The following GABRA3 variants were observed in gnomAD, a reference collection of about 807,000 sequenced individuals.
GABRA3 encodes the protein gamma-aminobutyric acid type A receptor subunit alpha3.
GABRA3 carries 10 observed loss-of-function variants against 30.1 expected under a neutral mutation model. The ratio of observed to expected loss-of-function variants is 0.33; its 90% CI spans 0.20 to 0.56. The LOEUF (loss-of-function observed/expected upper bound fraction) is 0.56. Ranked by LOEUF, GABRA3 falls within the 20% of genes least tolerant of loss-of-function variation. The pLI is 0.89. For synonymous variants in GABRA3, 151 were observed against 146.8 expected (o/e 1.03, Z -0.21); for missense variants, 233 against 392.0 (o/e 0.59, Z 3.42).
chrX:152,275,816 A>C (rs978509726), intron 4 of GABRA3, among the ~76,000 whole-genome samples: 1 of 109,371 alleles, frequency 9.1e-6, no homozygotes, highest in Non-Finnish European at 1.9e-5. Context: ...TTATATATAT[A>C]TTTATAGGAT....
At chrX:152,331,634 A>G (rs1311123381) in intron 3 of GABRA3, among the ~76,000 whole-genome samples, 9 of 112,059 alleles carry the variant, frequency 8.0e-5, no homozygotes, top group African/African-American at 2.9e-4. Flanking sequence ...GTATAGCAGT[A>G]AAACAATAAA....
intron 1 of GABRA3, among the ~76,000 whole-genome samples, chrX:152,436,167 T>C (rs1257261332): frequency 8.9e-6 from 1 of 111,955 alleles, no homozygotes; most frequent in Non-Finnish European, 1.9e-5. Context: ...AGGGAAAAGC[T>C]GGCTGATCAA....
In GABRA3 at chrX:152,327,689, C is replaced by A. The variant is rs138208641; in HGVS notation, c.262+17892G>T. Among the ~76,000 whole-genome samples the A allele has an allele frequency of 7.1e-3, 790 of 111,694 alleles. 21 individuals are homozygous for A. The East Asian group carries it at 0.094, about 13-fold the overall frequency. ...ACACAACATACCAGAATCTCTGGGA[C>A]ACATTTAAAGCAGTGTGTAGAGGGA... On this transcript the variant is annotated intron_variant, in intron 3 of 9. Transcript: ENST00000370314.
intron 3 of GABRA3, among the ~76,000 whole-genome samples, chrX:152,296,116 G>A (rs1050180528): frequency 8.9e-6 from 1 of 112,284 alleles, no homozygotes; most frequent in Non-Finnish European, 1.9e-5. Flanking sequence ...AGAGAACAAA[G>A]TCATGAGTTT....
At chrX:152,223,489 C>T (rs923673389) in intron 6 of GABRA3, among the ~76,000 whole-genome samples, 11 of 110,511 alleles carry the variant, frequency 1.0e-4, no homozygotes, top group African/African-American at 3.0e-4. Context: ...CCTTTAATGG[C>T]CTATAAGACT....
chrX:152,366,166 A>G (rs1928654852), intron 1 of GABRA3, among the ~76,000 whole-genome samples: 1 of 111,959 alleles, frequency 8.9e-6, no homozygotes, highest in African/African-American at 3.2e-5. Flanking sequence ...GGCAGTAACC[A>G]TGATATACGC....
intron 1 of GABRA3, among the ~76,000 whole-genome samples, chrX:152,392,713 TG>T (rs1929524332): frequency 8.9e-6 from 1 of 112,295 alleles, no homozygotes; most frequent in Non-Finnish European, 1.9e-5. Flanking sequence ...CAAAAGTTGA[TG>T]AAAGCCATTA....
At chrX:152,191,206 ATAC>A (rs1937321351) in intron 8 of GABRA3, among the ~76,000 whole-genome samples, 1 of 110,847 alleles carries the variant, frequency 9.0e-6, no homozygotes, top group Non-Finnish European at 1.9e-5. Flanking sequence ...TAGTGTTGTC[ATAC>A]TATATAATTA....
At chrX:152,377,690 A>G (rs1462668052) in intron 1 of GABRA3, among the ~76,000 whole-genome samples, 1 of 111,847 alleles carries the variant, frequency 8.9e-6, no homozygotes, top group Non-Finnish European at 1.9e-5. Context: ...AAAGTAAGAG[A>G]AAATAAATAC....
At chrX:152,449,967 A>G in intron 1 of GABRA3, among the ~76,000 whole-genome samples, 1 of 111,694 alleles carries the variant, frequency 9.0e-6, no homozygotes, top group Non-Finnish European at 1.9e-5. Context: ...AATCCAAAAT[A>G]TACTACATAC....
At chrX:152,332,880 T>G (rs1320491321) in intron 3 of GABRA3, among the ~76,000 whole-genome samples, 1 of 112,501 alleles carries the variant, frequency 8.9e-6, no homozygotes, top group Non-Finnish European at 1.9e-5. Flanking sequence ...AAATTCTCTT[T>G]GGAGGCTTGG....
At chrX:152,203,634 C>T (rs1464957143) in intron 7 of GABRA3, among the ~76,000 whole-genome samples, 1 of 111,782 alleles carries the variant, frequency 8.9e-6, no homozygotes, top group East Asian at 2.8e-4. Context: ...GCTGCCTTCA[C>T]TTCTGGTGAC....
intron 3 of GABRA3, among the ~76,000 whole-genome samples, chrX:152,308,901 T>C (rs1301924680): frequency 8.9e-6 from 1 of 112,129 alleles, no homozygotes; most frequent in Non-Finnish European, 1.9e-5. Flanking sequence ...CAGTAAAACA[T>C]ACAAGAGCTG....
chrX:152,412,136 C>A (rs951313056), intron 1 of GABRA3, among the ~76,000 whole-genome samples: 4 of 111,190 alleles, frequency 3.6e-5, no homozygotes, highest in Non-Finnish European at 7.6e-5. Context: ...CACTTCACAT[C>A]CACTAAGATG....
chrX:152,427,608 C>T (rs1464359323), intron 1 of GABRA3, among the ~76,000 whole-genome samples: 1 of 111,879 alleles, frequency 8.9e-6, no homozygotes, highest in Non-Finnish European at 1.9e-5. Context: ...TTCGGCTCAC[C>T]GGAAAATTAC....
intron 6 of GABRA3, 65 bp downstream of exon 6, chrX:152,224,698 T>A: frequency 1.2e-6 from 1 of 812,274 alleles, no homozygotes; most frequent in Non-Finnish European, 1.8e-6. Flanking sequence ...GAATATAATA[T>A]GTTAAGTTTC....
chrX:152,426,281 C>G (rs1238996598), intron 1 of GABRA3, among the ~76,000 whole-genome samples: 1 of 111,636 alleles, frequency 9.0e-6, no homozygotes, highest in Non-Finnish European at 1.9e-5. Context: ...ACCTACCTCA[C>G]TGGGTGGGTA....
At chrX:152,275,216 A>ATATTTAATAT (rs1939034515) in intron 4 of GABRA3, among the ~76,000 whole-genome samples, 3 of 49,650 alleles carry the variant, frequency 6.0e-5, no homozygotes, top group African/African-American at 3.8e-4. Context: ...ATATAATATT[A>ATATTTAATAT]TATATATATA....
chrX:152,307,565 G>A (rs756763385), intron 3 of GABRA3, among the ~76,000 whole-genome samples: 2 of 111,632 alleles, frequency 1.8e-5, no homozygotes, highest in South Asian at 3.8e-4. Context: ...TGGCAGACTA[G>A]ACATAGCCAG....
Sources: gnomAD v4.1 joint callset for allele counts (sites outside exome capture counted in the v4.1 genomes callset) on GRCh38, gnomAD v4.1.1 for gene constraint, MANE v1.5 for transcripts, NCBI Gene and HGNC (gene_info 2026-07-23, HGNC 2026-07-21) for gene names.